Variants in ACER2 observed in about 807,000 individuals in gnomAD.
ACER2 encodes the protein alkCDase 2.
A neutral mutation model predicts 34.7 loss-of-function variants in ACER2; 26 were observed. That is an observed-to-expected ratio of 0.75 (90% CI 0.55 to 1.04). ACER2 has a LOEUF of 1.04. Among genes scored for constraint, ACER2 ranks in the 50% least tolerant of loss-of-function variants. ACER2 has a pLI of 0.00. For synonymous variants in ACER2, 138 were observed against 132.1 expected (o/e 1.04, Z -0.31); for missense variants, 352 against 340.8 (o/e 1.03, Z -0.26).
intron 3 of ACER2, among the ~76,000 whole-genome samples, chr9:19,430,008 C>T (rs1383712883): frequency 6.6e-6 from 1 of 151,960 alleles, no homozygotes; most frequent in Non-Finnish European, 1.5e-5. Flanking sequence ...TTTTGGTGGT[C>T]ATTACGATGG....
chr9:19,449,797 C>T (rs994942850), intron 5 of ACER2, among the ~76,000 whole-genome samples: 5 of 149,414 alleles, frequency 3.3e-5, no homozygotes, highest in African/African-American at 9.9e-5. Flanking sequence ...GAGGCTGAGG[C>T]AGGAGAATTG....
At chr9:19,442,346 A>G (rs1210559497) in intron 4 of ACER2, among the ~76,000 whole-genome samples, 2 of 152,178 alleles carry the variant, frequency 1.3e-5, no homozygotes, top group Non-Finnish European at 2.9e-5. Flanking sequence ...TTCACTTCAC[A>G]TTGATATTTT....
intron 1 of ACER2, among the ~76,000 whole-genome samples, chr9:19,412,802 T>C (rs986690674): frequency 1.3e-5 from 2 of 152,224 alleles, no homozygotes; most frequent in African/African-American, 4.8e-5. Context: ...GCTCATATAG[T>C]GCTCTCTTCC....
intron 1 of ACER2, among the ~76,000 whole-genome samples, chr9:19,410,928 G>C (rs1225941310): frequency 6.6e-6 from 1 of 152,174 alleles, no homozygotes; most frequent in Admixed American, 6.5e-5. Flanking sequence ...GATTTCACCA[G>C]AGTTCAAGAA....
At chr9:19,417,145 A>G (rs2132462898) in intron 1 of ACER2, among the ~76,000 whole-genome samples, 1 of 152,198 alleles carries the variant, frequency 6.6e-6, no homozygotes, top group East Asian at 1.9e-4. Flanking sequence ...AGAATAAAAT[A>G]CCTAGGAATA....
intron 1 of ACER2, among the ~76,000 whole-genome samples, chr9:19,417,983 G>T (rs1339291001): frequency 6.6e-6 from 1 of 151,558 alleles, no homozygotes; most frequent in Non-Finnish European, 1.5e-5. Flanking sequence ...AAATCTACAA[G>T]GAACTTAAAC....
rs140135566 is a variant in ACER2, at chr9:19,446,393, A to T, written c.616A>T (p.Asn206Tyr). The change falls in exon 5 of 6, where the codon AAC becomes TAC. Residue 206 changes from asparagine (N) to tyrosine (Y), a missense_variant. Transcript: ENST00000340967. ...TTTCTGCGAGCTGCTGTCATCCTTC[A>T]ACTTCCCCTACCTGCACTGCATGTG... ...RAFCELLSSF[N>Y]FPYLHCMWHI... 1 of 1,614,090 alleles carries T rather than the reference A, an allele frequency of 6.2e-7. No homozygotes were observed. The highest frequency in any genetic ancestry group is 8.5e-7 in the Non-Finnish European group (1 of 1,180,014).
intron 3 of ACER2, among the ~76,000 whole-genome samples, chr9:19,432,474 C>T (rs2132497865): frequency 6.6e-6 from 1 of 152,016 alleles, no homozygotes; most frequent in African/African-American, 2.4e-5. Flanking sequence ...CCCAGCCATG[C>T]TCCTTCATTT....
chr9:19,415,411 C>T (rs1830212356), intron 1 of ACER2, among the ~76,000 whole-genome samples: 1 of 152,010 alleles, frequency 6.6e-6, no homozygotes, highest in Non-Finnish European at 1.5e-5. Context: ...AGGAGAATCG[C>T]TTGAACCTGG....
intron 3 of ACER2, among the ~76,000 whole-genome samples, chr9:19,425,824 A>G (rs1410110867): frequency 1.3e-5 from 2 of 152,208 alleles, no homozygotes; most frequent in Non-Finnish European, 2.9e-5. Context: ...ATATACATAT[A>G]TGGCTAAATA....
chr9:19,448,258 C>T (rs534179098), intron 5 of ACER2, among the ~76,000 whole-genome samples: 14 of 152,158 alleles, frequency 9.2e-5, no homozygotes, highest in Non-Finnish European at 1.6e-4. Flanking sequence ...AGCAGGTCCA[C>T]CTGCCTTGGG....
intron 3 of ACER2, among the ~76,000 whole-genome samples, chr9:19,427,878 G>C (rs942916002): frequency 1.3e-5 from 2 of 152,038 alleles, no homozygotes; most frequent in Non-Finnish European, 2.9e-5. Flanking sequence ...ATGTTAGCCA[G>C]GATGGTCTCG....
intron 1 of ACER2, among the ~76,000 whole-genome samples, chr9:19,421,143 A>G (rs1410991731): frequency 2.0e-5 from 3 of 152,228 alleles, no homozygotes. Context: ...GTATTTAAGC[A>G]TATCTAAACC....
Position 19,411,812 on chromosome 9 carries a change from T to A in ACER2, c.108+2620T>A, listed in dbSNP as rs182789647. ...GAACCTTCTTAATGGGTCTTAGGGG[T>A]AGCACATCACTACTACACCTTCAGA... On this transcript the variant is annotated intron_variant, in intron 1 of 5. Coordinates refer to ENST00000340967, the MANE Select transcript of ACER2 (RefSeq NM_001010887.3). Among the ~76,000 whole-genome samples, 10 of 152,288 alleles carry A rather than the reference T, an allele frequency of 6.6e-5. 1 individual carries two copies. In the South Asian group the frequency reaches 1.0e-3, roughly 16 times the overall value.
intron 3 of ACER2, among the ~76,000 whole-genome samples, chr9:19,427,898 C>G (rs920650992): frequency 4.6e-5 from 7 of 152,034 alleles, no homozygotes; most frequent in African/African-American, 1.4e-4. Flanking sequence ...GATCTCCTGC[C>G]CTTGTGATCT....
chr9:19,449,922 C>T (rs1408331784), intron 5 of ACER2, among the ~76,000 whole-genome samples: 1 of 148,852 alleles, frequency 6.7e-6, no homozygotes, highest in Non-Finnish European at 1.5e-5. Context: ...GGATTACATG[C>T]TTTTAAATGG....
In ACER2 at chr9:19,426,492, G is replaced by A. The variant is rs145618011; in HGVS notation, c.365+1651G>A. On this transcript the variant is annotated intron_variant, in intron 3 of 5. Transcript: ENST00000340967. ...GATGCTTTCTCTAAACCTGGTGTAC[G>A]TTAGATTGAGAGCTGAGGAATCGCT... is the stretch of plus-strand genomic sequence containing the variant. Among the ~76,000 whole-genome samples, 6 of 150,266 alleles carry A rather than the reference G, an allele frequency of 4.0e-5. 1 individual carries two copies. In the Middle Eastern group the frequency reaches 0.017, roughly 435 times the overall value.
intron 5 of ACER2, among the ~76,000 whole-genome samples, chr9:19,449,789 G>T (rs111298783): frequency 0.066 from 9,971 of 151,740 alleles, 1,113 homozygotes; most frequent in African/African-American, 0.23. Flanking sequence ...CTACTTGGGA[G>T]GCTGAGGCAG....
intron 3 of ACER2, among the ~76,000 whole-genome samples, chr9:19,434,646 G>A (rs905823779): frequency 3.1e-4 from 47 of 152,220 alleles, no homozygotes; most frequent in Non-Finnish European, 5.6e-4. Flanking sequence ...GGCGGTGCGC[G>A]CCTGCAATTG....
Sources: allele counts gnomAD v4.1 joint callset (sites outside exome capture counted in the v4.1 genomes callset), GRCh38; gene constraint gnomAD v4.1.1; transcripts MANE v1.5; gene names NCBI Gene and HGNC (gene_info 2026-07-23, HGNC 2026-07-21).